Variants in CMIP observed in about 807,000 individuals in gnomAD.
CMIP encodes the protein c-Maf inducing protein, also known as C-Maf-inducing protein.
In CMIP, 13 loss-of-function variants were observed where a neutral mutation model predicts 97.3. The ratio of observed to expected loss-of-function variants is 0.13; its 90% CI spans 0.09 to 0.21. CMIP has a LOEUF of 0.21. Among genes scored for constraint, CMIP ranks in the 10% least tolerant of loss-of-function variants. The pLI, the probability that CMIP is intolerant of heterozygous loss-of-function variation, is 1.00. For missense variants in CMIP, 847 were observed against 1,024.9 expected (o/e 0.83, Z 2.37); for synonymous variants, 538 against 436.3 (o/e 1.23, Z -2.91).
intron 3 of CMIP, among the ~76,000 whole-genome samples, chr16:81,650,308 C>T (rs1416104062): frequency 1.3e-5 from 2 of 152,188 alleles, no homozygotes; most frequent in Non-Finnish European, 2.9e-5. Context: ...ATGAGAAGAG[C>T]TGATCTCTTT....
intron 1 of CMIP, among the ~76,000 whole-genome samples, chr16:81,601,464 T>G (rs1451324291): frequency 3.3e-5 from 5 of 152,288 alleles, no homozygotes; most frequent in Admixed American, 2.6e-4. Context: ...GAAGCAGGTC[T>G]GAGGCCATAT....
At chr16:81,678,078 C>A (rs1904452796) in intron 9 of CMIP, among the ~76,000 whole-genome samples, 197 bp from the exon 10 acceptor site, 1 of 152,172 alleles carries the variant, frequency 6.6e-6, no homozygotes, top group South Asian at 2.1e-4. Context: ...GCTGCCATCC[C>A]CACCTCTTCC....
chr16:81,578,635 C>G (rs188083119), intron 1 of CMIP, among the ~76,000 whole-genome samples: 1 of 152,358 alleles, frequency 6.6e-6, no homozygotes, highest in East Asian at 1.9e-4. Flanking sequence ...ATGCCATGGG[C>G]TGGTGTGTAG....
At chr16:81,670,332 C>A in intron 8 of CMIP, 87 bp downstream of exon 8, 1 of 1,383,802 alleles carries the variant, frequency 7.2e-7, no homozygotes, top group South Asian at 1.3e-5. Flanking sequence ...GGGGGGCTGT[C>A]GTGTAATTAA....
At chr16:81,550,021 G>C (rs2090622787) in intron 1 of CMIP, among the ~76,000 whole-genome samples, 3 of 152,232 alleles carry the variant, frequency 2.0e-5, no homozygotes. Context: ...GTGGGCAAAT[G>C]TGTGCACATC....
chr16:81,648,591 C>G (rs1035468319), intron 3 of CMIP, among the ~76,000 whole-genome samples: 19 of 151,928 alleles, frequency 1.3e-4, no homozygotes, highest in Non-Finnish European at 1.0e-4. Flanking sequence ...CAAGACCAGC[C>G]TGGCCAACAT....
intron 1 of CMIP, among the ~76,000 whole-genome samples, chr16:81,588,754 C>T (rs911266838): frequency 1.2e-4 from 19 of 152,144 alleles, no homozygotes; most frequent in South Asian, 4.1e-4. Flanking sequence ...GCTGTTTAGT[C>T]GTGGGGCACA....
At chr16:81,543,530 G>C (rs539767891) in intron 1 of CMIP, among the ~76,000 whole-genome samples, 43 of 152,244 alleles carry the variant, frequency 2.8e-4, no homozygotes, top group African/African-American at 1.0e-3. Flanking sequence ...TGAAAGGAAG[G>C]GGGGTCAGGG....
intron 1 of CMIP, among the ~76,000 whole-genome samples, chr16:81,499,189 T>G (rs2089549300): frequency 6.6e-6 from 1 of 152,116 alleles, no homozygotes; most frequent in African/African-American, 2.4e-5. Context: ...GCATGCACCA[T>G]TCACACTGTG....
At chr16:81,637,565 C>T (rs966760628) in intron 3 of CMIP, among the ~76,000 whole-genome samples, 9 of 152,182 alleles carry the variant, frequency 5.9e-5, no homozygotes, top group African/African-American at 1.9e-4. Flanking sequence ...TTGCCTAAGG[C>T]TGCACAGCTC....
chr16:81,446,163 T>C (rs1354636228), intron 1 of CMIP, among the ~76,000 whole-genome samples: 2 of 151,694 alleles, frequency 1.3e-5, no homozygotes, highest in Non-Finnish European at 2.9e-5. Flanking sequence ...GGGGCAGTGG[T>C]CCTGGAATAT....
Position 81,445,153 on chromosome 16 carries a change from T to A in CMIP, c.-89T>A. 1.4e-6 allele frequency: 1 copy of A among 708,666 alleles called. No individual in the cohort carries two copies. Among genetic ancestry groups the A allele is most frequent in the Non-Finnish European group, 2.0e-6 (1 of 497,466 alleles). The allele number at this position is 708,666 out of a possible 1,614,324, so 43.9% of individuals were successfully genotyped here. ...CCCACCTTCCCGGGGGGTGGGGGGG[T>A]GCGGGCCGCCGGATCCGGGGGCCCC... On this transcript the variant is annotated 5_prime_UTR_variant, in exon 1 of 21. Transcript: ENST00000537098.
intron 1 of CMIP, among the ~76,000 whole-genome samples, chr16:81,474,127 C>G (rs370792035): frequency 1.3e-5 from 2 of 152,086 alleles, no homozygotes; most frequent in Non-Finnish European, 2.9e-5. Context: ...AGGCTGGGCA[C>G]GGCCTCTCCA....
intron 10 of CMIP, among the ~76,000 whole-genome samples, chr16:81,690,818 C>T (rs980539083): frequency 3.9e-5 from 6 of 152,002 alleles, no homozygotes; most frequent in African/African-American, 1.2e-4. Context: ...CCCAGCTGCT[C>T]GGAAGGCTGA....
intron 1 of CMIP, among the ~76,000 whole-genome samples, chr16:81,597,903 A>G (rs777526435): frequency 6.6e-5 from 10 of 151,686 alleles, no homozygotes; most frequent in Non-Finnish European, 1.5e-4. Flanking sequence ...GTCCCTCTCC[A>G]TCACTGGCCT....
rs376524145 is a variant in CMIP at position 81,497,612 on chromosome 16, C to T, written c.300+52071C>T. Among the ~76,000 whole-genome samples, 13 of 152,342 alleles carry T rather than the reference C, an allele frequency of 8.5e-5. No individual in the cohort carries two copies. The East Asian group carries it at 1.5e-3, about 18-fold the overall frequency. On this transcript the variant is annotated intron_variant, in intron 1 of 20. Transcript: ENST00000537098. The stretch of plus-strand genomic sequence containing the variant: ...CATCTTGCCGGTGATGCCCAGGCCT[C>T]GGCAGACTGGCTCTCCGAGGGTGTC...
intron 1 of CMIP, among the ~76,000 whole-genome samples, chr16:81,474,014 G>C (rs1156272214): frequency 1.3e-5 from 2 of 152,082 alleles, no homozygotes; most frequent in Admixed American, 1.3e-4. Flanking sequence ...GTTCCGAGGT[G>C]GTGCTTCCTG....
chr16:81,469,040 C>T (rs1398073393), intron 1 of CMIP, among the ~76,000 whole-genome samples: 1 of 152,226 alleles, frequency 6.6e-6, no homozygotes, highest in Non-Finnish European at 1.5e-5. Context: ...TAATTCTTTG[C>T]CCCGATTTGG....
chr16:81,673,609 C>T (rs1597230794), intron 9 of CMIP, among the ~76,000 whole-genome samples: 1 of 152,240 alleles, frequency 6.6e-6, no homozygotes, highest in East Asian at 1.9e-4. Flanking sequence ...GGAGGCCGTG[C>T]GTAACACACT....
Sources: gnomAD v4.1 joint callset for allele counts (sites outside exome capture counted in the v4.1 genomes callset) on GRCh38, gnomAD v4.1.1 for gene constraint, MANE v1.5 for transcripts, NCBI Gene and HGNC (gene_info 2026-07-23, HGNC 2026-07-21) for gene names.